INTS15: variants seen among roughly 807,000 people sequenced by gnomAD.
INTS15 encodes the protein uncharacterized protein C7orf26.
chr7:6,600,144 T>G, the INTS15 span: 1 of 1,614,216 alleles, frequency 6.2e-7, no homozygotes, highest in Non-Finnish European at 8.5e-7. Context: ...CAAGTGCTCA[T>G]GACGCTGCAG....
chr7:6,599,926 T>A, the INTS15 span: 1 of 1,614,244 alleles, frequency 6.2e-7, no homozygotes, highest in Non-Finnish European at 8.5e-7. Context: ...ATACTCCGAT[T>A]GCGGCCAATC....
the INTS15 span, chr7:6,608,255 G>C: frequency 6.7e-7 from 1 of 1,495,336 alleles, no homozygotes; most frequent in Non-Finnish European, 8.9e-7. Flanking sequence ...TCGGGGAAGG[G>C]GTCGGGCAGC....
chr7:6,594,542 C>T, the INTS15 span: 9 of 1,614,112 alleles, frequency 5.6e-6, no homozygotes, highest in Non-Finnish European at 6.8e-6. Flanking sequence ...TCAGTGCCAG[C>T]CCGAGATTCT....
chr7:6,597,155 A>T, the INTS15 span, among the ~76,000 whole-genome samples: 4 of 152,190 alleles, frequency 2.6e-5, no homozygotes, highest in African/African-American at 9.6e-5. Flanking sequence ...GAGCAGGGCC[A>T]CGCTGCTGCA....
the INTS15 span, among the ~76,000 whole-genome samples, chr7:6,599,127 C>T: frequency 6.6e-6 from 1 of 152,138 alleles, no homozygotes; most frequent in African/African-American, 2.4e-5. Context: ...ATGACTGTCC[C>T]TCAGTTTCTT....
the INTS15 span, chr7:6,600,459 C>G: frequency 2.5e-6 from 3 of 1,213,324 alleles, no homozygotes; most frequent in African/African-American, 3.1e-5. Flanking sequence ...TCATTTAGGA[C>G]TTCTTTTCCT....
At chr7:6,602,245 G>T in the INTS15 span, 1 of 857,706 alleles carries the variant, frequency 1.2e-6, no homozygotes, top group Non-Finnish European at 1.8e-6. Flanking sequence ...GGAGAGCCCA[G>T]TAAGCACATG....
At chr7:6,594,976 C>T in the INTS15 span, among the ~76,000 whole-genome samples, 1 of 152,146 alleles carries the variant, frequency 6.6e-6, no homozygotes, top group Non-Finnish European at 1.5e-5. Flanking sequence ...GATCCACCCG[C>T]CTCGGCCTCC....
At chr7:6,591,923 G>T in the INTS15 span, 3 of 1,535,274 alleles carry the variant, frequency 2.0e-6, no homozygotes, top group Admixed American at 3.4e-5. Context: ...TGTAATCCCA[G>T]CACTTTGGGA....
At chr7:6,591,990 G>A in the INTS15 span, 9 of 780,992 alleles carry the variant, frequency 1.2e-5, no homozygotes, top group East Asian at 2.4e-4. Context: ...TGACCAACAT[G>A]GCGAAATCAT....
At chr7:6,603,810 G>A in the INTS15 span, among the ~76,000 whole-genome samples, 1 of 151,998 alleles carries the variant, frequency 6.6e-6, no homozygotes, top group African/African-American at 2.4e-5. Context: ...TTGCGTTCCA[G>A]CCTGGGCAAT....
At chr7:6,599,959 C>T in the INTS15 span, 12 of 1,614,220 alleles carry the variant, frequency 7.4e-6, no homozygotes, top group Non-Finnish European at 9.3e-6. Context: ...TCTTAGAGCT[C>T]ACCCCGCTCG....
the INTS15 span, among the ~76,000 whole-genome samples, chr7:6,597,882 G>A: frequency 2.0e-5 from 3 of 152,172 alleles, no homozygotes; most frequent in East Asian, 1.9e-4. Context: ...TGGGGAGCCC[G>A]TGTCTTCAAA....
chr7:6,606,588 G>A, the INTS15 span, among the ~76,000 whole-genome samples: 1 of 152,112 alleles, frequency 6.6e-6, no homozygotes, highest in Admixed American at 6.6e-5. Flanking sequence ...GGAGAGGGGC[G>A]GGCAGAGCCC....
chr7:6,601,917 A>C, the INTS15 span, among the ~76,000 whole-genome samples: 3 of 152,118 alleles, frequency 2.0e-5, no homozygotes, highest in Non-Finnish European at 2.9e-5. Context: ...TCAGCCTCCC[A>C]AAGTGCTGGG....
the INTS15 span, chr7:6,591,562 T>G: frequency 7.9e-7 from 1 of 1,258,078 alleles, no homozygotes; most frequent in Non-Finnish European, 1.1e-6. Flanking sequence ...CCGCGCCCAG[T>G]CTATTTCCTG....
the INTS15 span, chr7:6,608,690 C>T: frequency 4.8e-6 from 1 of 206,724 alleles, no homozygotes; most frequent in South Asian, 1.7e-4. Flanking sequence ...GTCTAAATTT[C>T]CTTTCATATG....
the INTS15 span, chr7:6,590,499 C>T: frequency 6.5e-7 from 1 of 1,535,192 alleles, no homozygotes. Context: ...CGGTCGGGTT[C>T]CCGGGCCCCG....
At chr7:6,602,523 G>A in the INTS15 span, 5 of 383,070 alleles carry the variant, frequency 1.3e-5, no homozygotes, top group Non-Finnish European at 2.6e-5. Flanking sequence ...CCAGCGCTTG[G>A]CCATCAGGCG....
Sources: gnomAD v4.1 joint callset for allele counts (sites outside exome capture counted in the v4.1 genomes callset) on GRCh38, gnomAD v4.1.1 for gene constraint, MANE v1.5 for transcripts, NCBI Gene and HGNC (gene_info 2026-07-23, HGNC 2026-07-21) for gene names.